GEMIN4: variants seen among roughly 807,000 people sequenced by gnomAD.
The protein encoded by GEMIN4 is gem-associated protein 4.
A neutral mutation model predicts 76.8 loss-of-function variants in GEMIN4; 59 were observed. The observed-to-expected ratio is 0.77, with a 90% CI of 0.62 to 0.95. The LOEUF (loss-of-function observed/expected upper bound fraction) is 0.95. Among genes scored for constraint, GEMIN4 ranks in the 40% least tolerant of loss-of-function variants. GEMIN4 has a pLI of 0.00. For synonymous variants in GEMIN4, 562 were observed against 559.7 expected, an observed-to-expected ratio of 1.00 and a Z score of -0.06; for missense variants, 1,311 against 1,318.9, an observed-to-expected ratio of 0.99 and a Z score of 0.09.
Position 747,147 on chromosome 17 carries a change from TC to T in GEMIN4, c.895del (p.Asp299MetfsTer4). On this transcript the variant is annotated frameshift_variant, in exon 2 of 2. Transcript: ENST00000319004. LOFTEE classifies it high-confidence loss of function. ...TTTGGCCAGCGAGGTCAGGCTGACA[TC>T]CCGTTCTGCCTCCTTCACCTTCTCT... ...LAEKVKEAERDVSLTSLAKLP... is the reference protein window; with the variant it reads ...LAEKVKEAERXVSLTSLAKLP... The T allele has an allele frequency of 6.2e-7, 1 of 1,613,800 alleles. No individual in the cohort carries two copies. The highest frequency in any genetic ancestry group is 8.5e-7 in the Non-Finnish European group (1 of 1,179,874).
upstream of GEMIN4, chr17:752,516 A>T (rs1234330670): frequency 2.3e-6 from 1 of 438,202 alleles, no homozygotes; most frequent in African/African-American, 2.1e-5. Context: ...TGCCCCGCAC[A>T]CAGTTCACCC....
rs1974396530 is a variant in GEMIN4 at position 746,092 on chromosome 17, C to T, written c.1951G>A (p.Val651Met). 6.2e-7 allele frequency: 1 copy of T among 1,613,992 alleles called. No individual in the cohort carries two copies. Among genetic ancestry groups the T allele is most frequent in the African/African-American group, 1.3e-5 (1 of 75,042 alleles). ...PVAALLEPDE[V>M]LKEFVLPFLR... Reference sequence around the variant, plus strand: ...AAAGGCAGGACAAATTCCTTCAGCACCTCGTCTGGCTCAAGAAGAGCAGCC... The same window carrying T: ...AAAGGCAGGACAAATTCCTTCAGCATCTCGTCTGGCTCAAGAAGAGCAGCC... Residue 651 changes from valine to methionine, a missense_variant, in exon 2 of 2, where the codon GTG (valine) becomes ATG (methionine). Around this residue, in one of 2 missense-constraint regions of GEMIN4, gnomAD observed 1,208 missense variants for 1,166.9 expected, o/e 1.04. Coordinates refer to ENST00000319004, the MANE Select transcript of GEMIN4 (RefSeq NM_015721.3). The surrounding 1 kb of genome is among the most constrained non-coding windows in gnomAD (Gnocchi z 4.3).
At chr17:749,856 C>T (rs954992077) in intron 1 of GEMIN4, 27 of 993,940 alleles carry the variant, frequency 2.7e-5, no homozygotes, top group Non-Finnish European at 3.0e-5. Flanking sequence ...TTCAGGGAAA[C>T]GGTCCACCCC....
chr17:751,586 A>T (rs1404216317), intron 1 of GEMIN4: 1 of 152,370 alleles, frequency 6.6e-6, no homozygotes, highest in Non-Finnish European at 1.5e-5. Flanking sequence ...ACAAAGTGAT[A>T]CCTCAGGAGC....
rs199702345 is a variant in GEMIN4 at position 746,272 on chromosome 17, C to G, written c.1771G>C (p.Val591Leu). 7.4e-6 allele frequency: 12 copies of G among 1,613,666 alleles called. No homozygotes were observed. In the South Asian group the frequency reaches 1.3e-4, roughly 18 times the overall value. ...GATGAATTGGGACCCTGCTCTTCCA[C>G]AAACCTAAGGGCAGGGAAGGCAGTG... ...ILTAFPALRF[V>L]EEQGPNSSAT... Residue 591 changes from valine to leucine, a missense_variant, in exon 2 of 2, where the codon GTG (valine) becomes CTG (leucine). Physicochemically the swap from Val to Leu is conservative, Grantham distance 32. Around this residue, in one of 2 missense-constraint regions of GEMIN4, gnomAD observed 1,208 missense variants for 1,166.9 expected, o/e 1.04. Coordinates refer to ENST00000319004, the MANE Select transcript of GEMIN4 (RefSeq NM_015721.3). This position sits in a 1 kb window ranked among gnomAD's most constrained non-coding sequence, Gnocchi z 4.3.
intron 1 of GEMIN4, among the ~76,000 whole-genome samples, chr17:750,682 T>A (rs1904628508): frequency 6.6e-6 from 1 of 152,118 alleles, no homozygotes; most frequent in South Asian, 2.1e-4. Flanking sequence ...AGAGCTCATA[T>A]TCCCCATTTT....
chr17:749,336 A>C (rs530868065), intron 1 of GEMIN4: 5 of 189,064 alleles, frequency 2.6e-5, no homozygotes, highest in African/African-American at 1.4e-4. Context: ...ATGGGCACAG[A>C]GCAATCACAC....
rs563612726 is a variant in GEMIN4 at position 745,206 on chromosome 17, C to A, written c.2837G>T (p.Ser946Ile). The A allele has an allele frequency of 6.2e-7, 1 of 1,608,120 alleles. No individual in the cohort carries two copies. The highest frequency in any genetic ancestry group is 8.5e-7 in the Non-Finnish European group (1 of 1,177,668). ...WNHVVKLLCGSLTRLLDSVRA... is the reference protein window; with the variant it reads ...WNHVVKLLCGILTRLLDSVRA... ...GACTGAGTCCAGGAGGCGGGTCAGACTGCCACAGAGGAGTTTGACCACGTG... is the reference window on the plus strand; with the variant it reads ...GACTGAGTCCAGGAGGCGGGTCAGAATGCCACAGAGGAGTTTGACCACGTG... Residue 946 changes from serine (S) to isoleucine (I), a missense_variant, in exon 2 of 2, where the codon AGT (serine) becomes ATT (isoleucine). By Grantham distance (142) the Ser-to-Ile change is moderately radical (BLOSUM62 -2). Coordinates refer to ENST00000319004, the MANE Select transcript of GEMIN4 (RefSeq NM_015721.3). This position sits in a 1 kb window ranked among gnomAD's most constrained non-coding sequence, Gnocchi z 4.6.
rs369029997 is a variant in GEMIN4 at position 745,176 on chromosome 17, G to C, written c.2867C>G (p.Ala956Gly). The C allele has an allele frequency of 1.2e-6, 2 of 1,605,898 alleles. No homozygotes were observed. Among genetic ancestry groups the C allele is most frequent in the Admixed American group, 1.7e-5 (1 of 58,762 alleles). Reference sequence around the variant, plus strand: ...AACCCAAGGGCCAGCTGCCTGTATCGCCCTGACTGAGTCCAGGAGGCGGGT... The same window carrying C: ...AACCCAAGGGCCAGCTGCCTGTATCCCCCTGACTGAGTCCAGGAGGCGGGT... ...SLTRLLDSVR[A>G]IQAAGPWVQG... Residue 956 changes from alanine (A) to glycine (G), a missense_variant, in exon 2 of 2, where the codon GCG becomes GGG. Physicochemically the swap from Ala to Gly is moderately conservative, Grantham distance 60 (BLOSUM62 0). Coordinates refer to ENST00000319004, the MANE Select transcript of GEMIN4 (RefSeq NM_015721.3). This position sits in a 1 kb window ranked among gnomAD's most constrained non-coding sequence, Gnocchi z 4.6.
At position 744,756 on chromosome 17, in the gene GEMIN4, AC is replaced by A; in HGVS notation, c.*109del. 1.7e-6 allele frequency: 2 copies of A among 1,177,994 alleles called. No individual in the cohort carries two copies. Among genetic ancestry groups the A allele is most frequent in the Non-Finnish European group, 2.3e-6 (2 of 860,502 alleles). 73.0% of individuals were successfully genotyped at this position (1,177,994 alleles called of 1,614,324 possible). A position where few individuals can be genotyped will look rare whatever the true frequency, so the allele number is the denominator to read the frequency against. Reference sequence around the variant, plus strand: ...GTAAAGTCCAGGCTGCTCGGGTCTGACCCCTACAGACCTGCCATGTTGAAGC... The same window carrying A: ...GTAAAGTCCAGGCTGCTCGGGTCTGACCCTACAGACCTGCCATGTTGAAGC... On this transcript the variant is annotated 3_prime_UTR_variant, in exon 2 of 2. Transcript: ENST00000319004.
At position 747,293 on chromosome 17, in the gene GEMIN4, A is replaced by T. The variant is rs528940603; in HGVS notation, c.750T>A (p.Phe250Leu). The part of the protein sequence containing the change: ...LANLADMLTV[F>L]ALTEDDPQEV... The stretch of plus-strand genomic sequence containing the variant: ...CCTGGGGGTCGTCCTCTGTCAGCGC[A>T]AACACAGTCAGCATGTCAGCCAGGT... Residue 250 changes from phenylalanine (F) to leucine (L), a missense_variant, in exon 2 of 2, where the codon TTT becomes TTA. Coordinates refer to ENST00000319004, the MANE Select transcript of GEMIN4 (RefSeq NM_015721.3). 15 of 1,613,848 alleles carry T rather than the reference A, an allele frequency of 9.3e-6. 1 individual carries two copies. The East Asian group carries it at 3.3e-4, about 36-fold the overall frequency.
At position 747,362 on chromosome 17, in the gene GEMIN4, CTG is replaced by C. The variant is rs1165669567; in HGVS notation, c.679_680del (p.Gln227GlufsTer18). ...TCCTCCCCGGGCCCAGGATCCGACT[CTG>C]GATCTGTGTCAGCCCGCGGAGCAGC... Reference protein sequence around the residue: ...AMLLRGLTQIQSRILGPGRKC... With the variant: ...AMLLRGLTQIXSRILGPGRKC... On this transcript the variant is annotated frameshift_variant, in exon 2 of 2. Coordinates refer to ENST00000319004, the MANE Select transcript of GEMIN4 (RefSeq NM_015721.3). LOFTEE classifies it high-confidence loss of function. 6.2e-7 allele frequency: 1 copy of C among 1,613,804 alleles called. No individual in the cohort carries two copies. The highest frequency in any genetic ancestry group is 8.5e-7 in the Non-Finnish European group (1 of 1,179,898).
At position 752,136 on chromosome 17, in the gene GEMIN4, G is replaced by A. The variant is rs753016392; in HGVS notation, c.7C>T (p.Leu3=). 3 of 1,239,238 alleles carry A rather than the reference G, an allele frequency of 2.4e-6. No homozygotes were observed. Among genetic ancestry groups the A allele is most frequent in the African/African-American group, 1.5e-5 (1 of 64,626 alleles). 76.8% of individuals were successfully genotyped at this position (1,239,238 alleles called of 1,614,324 possible). The change falls in exon 1 of 2, where the codon CTA becomes TTA. Residue 3 remains leucine, a synonymous_variant. Coordinates refer to ENST00000319004, the MANE Select transcript of GEMIN4 (RefSeq NM_015721.3). MD[L]GPLNICEEMT... is the part of the protein sequence containing the mutation. The stretch of plus-strand genomic sequence containing the variant: ...GCCGGGGAGCCGCGGCACCCACCTA[G>A]GTCCATGGCGGCGACGCCGGCGGCT...
chr17:746,341 C>T lies in GEMIN4; in HGVS notation c.1702G>A (p.Ala568Thr), dbSNP rs573134834. ...EVTVKKMCSL[A>T]VVNLGTHKFL... ...TTGTGGGTGCCGAGATTGACCACAG[C>T]CAGGCTGCACATTTTCTTCACCGTG... Residue 568 changes from alanine (A) to threonine (T), a missense_variant, in exon 2 of 2, where the codon GCT (alanine) becomes ACT (threonine). Physicochemically the swap from Ala to Thr is moderately conservative, Grantham distance 58. This residue lies in a region of GEMIN4 where 1,208 missense variants were observed against 1,166.9 expected (regional missense o/e 1.04). Transcript: ENST00000319004. The surrounding 1 kb of genome is among the most constrained non-coding windows in gnomAD (Gnocchi z 4.3). 4.0e-5 allele frequency: 64 copies of T among 1,613,792 alleles called. No homozygotes were observed. Among genetic ancestry groups the T allele is most frequent in the Non-Finnish European group, 4.1e-5 (48 of 1,179,868 alleles).
chr17:746,689 C>A lies in GEMIN4; in HGVS notation c.1354G>T (p.Asp452Tyr). ...GSNRALFRQP[D>Y]LVLRLLETVI... ...GTTTCCAGCAGCCTCAACACCAAGT[C>A]TGGCTGTCGGAAGAGGGCCCTGTTA... The change falls in exon 2 of 2, where the codon GAC (aspartate) becomes TAC (tyrosine). Residue 452 changes from aspartate (D) to tyrosine (Y), a missense_variant. Physicochemically the swap from Asp to Tyr is radical, Grantham distance 160. Coordinates refer to ENST00000319004, the MANE Select transcript of GEMIN4 (RefSeq NM_015721.3). This position sits in a 1 kb window ranked among gnomAD's most constrained non-coding sequence, Gnocchi z 4.3. 2 of 1,613,610 alleles carry A rather than the reference C, an allele frequency of 1.2e-6. No homozygotes were observed. The highest frequency in any genetic ancestry group is 2.7e-5 in the African/African-American group (2 of 75,042).
upstream of GEMIN4, among the ~76,000 whole-genome samples, chr17:752,448 C>T (rs2144214181): frequency 6.6e-6 from 1 of 152,240 alleles, no homozygotes; most frequent in African/African-American, 2.4e-5. Context: ...GGGGTCCCAG[C>T]GGGTCGGGCT....
chr17:747,740 G>A lies in GEMIN4; in HGVS notation c.303C>T (p.Gly101=). 6.2e-7 allele frequency: 1 copy of A among 1,612,744 alleles called. No homozygotes were observed. Among genetic ancestry groups the A allele is most frequent in the Non-Finnish European group, 8.5e-7 (1 of 1,179,530 alleles). ...RWQEDLFFSV[G]NMIPTINHTI... ...TGTGGTTGATGGTGGGGATCATGTT[G>A]CCCACCGAGAAGAACAGGTCTTCCT... The change falls in exon 2 of 2, where the codon GGC becomes GGT. Residue 101 remains glycine (G), a synonymous_variant. Transcript: ENST00000319004.
In GEMIN4 at chr17:745,139, C is replaced by T. The variant is rs752742773; in HGVS notation, c.2904G>A (p.Glu968=). The T allele has an allele frequency of 2.5e-6, 4 of 1,608,024 alleles. No homozygotes were observed. Among genetic ancestry groups the T allele is most frequent in the Non-Finnish European group, 3.4e-6 (4 of 1,177,526 alleles). The change falls in exon 2 of 2, where the codon GAG becomes GAA. Residue 968 remains glutamate (E), a synonymous_variant. Transcript: ENST00000319004. The surrounding 1 kb of genome is among the most constrained non-coding windows in gnomAD (Gnocchi z 4.6). ...ACAGGGCTTCCTGGGTCAGGTCCTG[C>T]TCTGGTCCTTGAACCCAAGGGCCAG... is the stretch of plus-strand genomic sequence containing the variant. The part of the protein sequence containing the change: ...QAAGPWVQGP[E]QDLTQEALFV...
At chr17:749,979 C>G (rs1005491937) in intron 1 of GEMIN4, 1 of 985,134 alleles carries the variant, frequency 1.0e-6, no homozygotes, top group Non-Finnish European at 1.2e-6. Flanking sequence ...AGGGAACTAA[C>G]GATTGACACA....
Sources: gnomAD v4.1 joint callset for allele counts (sites outside exome capture counted in the v4.1 genomes callset) on GRCh38, gnomAD v4.1.1 for gene constraint, gnomAD v4.1.1 regional missense constraint, Gnocchi (gnomAD v3.1) non-coding constraint, MANE v1.5 for transcripts, NCBI Gene and HGNC (gene_info 2026-07-23, HGNC 2026-07-21) for gene names.